Variants in DYNC2H1 observed in about 807,000 individuals in gnomAD.
The protein encoded by DYNC2H1 is cytoplasmic dynein 2 heavy chain 1.
A neutral mutation model predicts 570.0 loss-of-function variants in DYNC2H1; 410 were observed. The observed-to-expected ratio is 0.72, with a 90% CI of 0.66 to 0.78. The LOEUF is 0.78. Among genes scored for constraint, DYNC2H1 ranks in the 30% least tolerant of loss-of-function variants. The pLI is 0.00. For missense variants in DYNC2H1, 4,865 were observed against 5,046.4 expected, an observed-to-expected ratio of 0.96 and a Z score of 1.09; for synonymous variants, 1,688 against 1,677.6, an observed-to-expected ratio of 1.01 and a Z score of -0.15.
chr11:103,469,651 A>G (rs1053691910), intron 88 of DYNC2H1, among the ~76,000 whole-genome samples: 1 of 152,194 alleles, frequency 6.6e-6, no homozygotes, highest in African/African-American at 2.4e-5. Context: ...CTAAAAGAGC[A>G]TATGTTTCTG....
intron 45 of DYNC2H1, among the ~76,000 whole-genome samples, chr11:103,190,216 T>C (rs897295865): frequency 2.0e-5 from 3 of 152,224 alleles, no homozygotes; most frequent in African/African-American, 7.2e-5. Context: ...AGGAAATGTC[T>C]AAAGTATTCT....
Position 103,239,914 on chromosome 11 carries a change from A to C in DYNC2H1, c.9819+3375A>C, listed in dbSNP as rs1864363391. Among the ~76,000 whole-genome samples, 1 of 152,050 alleles carries C rather than the reference A, an allele frequency of 6.6e-6. No homozygotes were observed. Among genetic ancestry groups the C allele is most frequent in the African/African-American group, 2.4e-5 (1 of 41,398 alleles). On this transcript the variant is annotated intron_variant, in intron 63 of 88. Transcript: ENST00000375735. This position sits in a 1 kb window ranked among gnomAD's most constrained non-coding sequence, Gnocchi z 4.3. ...ATTTAAATAGAGATTATGTATCTTT[A>C]GTTTTTAACCTGTTTTTTGAACTCT...
intron 84 of DYNC2H1, among the ~76,000 whole-genome samples, chr11:103,430,908 C>T (rs1198597856): frequency 6.6e-6 from 1 of 152,112 alleles, no homozygotes; most frequent in African/African-American, 2.4e-5. Context: ...TATTAGGGAG[C>T]TCAATTTATT....
intron 84 of DYNC2H1, among the ~76,000 whole-genome samples, chr11:103,416,137 C>A (rs1304991959): frequency 6.6e-6 from 1 of 152,080 alleles, no homozygotes; most frequent in Non-Finnish European, 1.5e-5. Flanking sequence ...CCATCACACA[C>A]CAGGGCCTGT....
At position 103,452,126 on chromosome 11, in the gene DYNC2H1, T is replaced by C. The variant is rs1944629421; in HGVS notation, c.12457-3060T>C. On this transcript the variant is annotated intron_variant, in intron 85 of 88. Transcript: ENST00000375735. ...GAATGTGAACTGAAGATTGAATTTT[T>C]TTCCAAAACAATAGTTTTTCCCCAG... Among the ~76,000 whole-genome samples the C allele has an allele frequency of 2.0e-5, 3 of 152,250 alleles. No individual in the cohort carries two copies. In the South Asian group the frequency reaches 6.2e-4, roughly 32 times the overall value.
At chr11:103,230,070 T>C (rs1863947152) in intron 59 of DYNC2H1, among the ~76,000 whole-genome samples, 1 of 152,122 alleles carries the variant, frequency 6.6e-6, no homozygotes, top group Admixed American at 6.6e-5. Flanking sequence ...GCCCTCGCAA[T>C]CTCTGTTTTG....
intron 63 of DYNC2H1, among the ~76,000 whole-genome samples, chr11:103,237,766 T>C (rs1018290834): frequency 6.6e-6 from 1 of 152,086 alleles, no homozygotes; most frequent in Non-Finnish European, 1.5e-5. Context: ...GAATTCTTTT[T>C]TATTCCATAA....
At chr11:103,118,815 T>C (rs1858551035) in intron 6 of DYNC2H1, among the ~76,000 whole-genome samples, 1 of 152,214 alleles carries the variant, frequency 6.6e-6, no homozygotes, top group South Asian at 2.1e-4. Flanking sequence ...CCTTGCTATA[T>C]CAGGACGTAT....
At chr11:103,453,637 TATATAC>T (rs56672426) in intron 85 of DYNC2H1, among the ~76,000 whole-genome samples, 1,502 of 105,544 alleles carry the variant, frequency 0.014, 41 homozygotes, top group African/African-American at 0.047. Flanking sequence ...TATATATATA[TATATAC>T]ACACATTCAT....
intron 72 of DYNC2H1, 63 bp downstream of exon 72, chr11:103,282,292 G>T: frequency 2.0e-6 from 3 of 1,501,518 alleles, no homozygotes; most frequent in Non-Finnish European, 1.8e-6. Context: ...TTTTGTTCAT[G>T]AGGTATAATT....
intron 87 of DYNC2H1, among the ~76,000 whole-genome samples, chr11:103,460,933 TG>T (rs1373157034): frequency 2.0e-5 from 3 of 152,160 alleles, no homozygotes; most frequent in African/African-American, 7.2e-5. Flanking sequence ...TAAATAAGCA[TG>T]GTATAATGAC....
rs549177489 is a variant in DYNC2H1 at position 103,113,656 on chromosome 11, T to A, written c.315T>A (p.Ile105=). 2 of 1,573,050 alleles carry A rather than the reference T, an allele frequency of 1.3e-6. No individual in the cohort carries two copies. Among genetic ancestry groups the A allele is most frequent in the African/African-American group, 2.8e-5 (2 of 72,468 alleles). Residue 105 remains isoleucine, a synonymous_variant, in exon 2 of 89, where the codon ATT becomes ATA. Coordinates refer to ENST00000375735, the MANE Select transcript of DYNC2H1 (RefSeq NM_001377.3). ...ILVSSMLESP[I]SSLYQAVRQV... ...TTTCATCTATGTTAGAGTCACCTAT[T>A]AGTTCTCTTTACCAAGCAGTACGGC...
Position 103,305,743 on chromosome 11 carries a change from G to C in DYNC2H1, c.11382+1023G>C, listed in dbSNP as rs1867255231. On this transcript the variant is annotated intron_variant, in intron 77 of 88. Transcript: ENST00000375735. The surrounding 1 kb of genome is among the most constrained non-coding windows in gnomAD (Gnocchi z 4.3). Reference sequence around the variant, plus strand: ...GTAAATTTTTGATGAGTAAGTTAATGAGTGAGTGAATGAGTTGATGGACCA... The same window carrying C: ...GTAAATTTTTGATGAGTAAGTTAATCAGTGAGTGAATGAGTTGATGGACCA... Among the ~76,000 whole-genome samples the C allele has an allele frequency of 6.6e-6, 1 of 152,122 alleles. No individual in the cohort carries two copies. The highest frequency in any genetic ancestry group is 1.5e-5 in the Non-Finnish European group (1 of 68,022).
At chr11:103,173,541 T>A (rs1263280771) in intron 35 of DYNC2H1, among the ~76,000 whole-genome samples, 1 of 152,250 alleles carries the variant, frequency 6.6e-6, no homozygotes, top group Non-Finnish European at 1.5e-5. Flanking sequence ...TTCTTCAAAA[T>A]GTTTATATTA....
intron 73 of DYNC2H1, 72 bp downstream of exon 73, chr11:103,283,157 C>T: frequency 1.6e-6 from 2 of 1,248,124 alleles, no homozygotes; most frequent in East Asian, 4.9e-5. Context: ...ATACTTTGTG[C>T]TCCTTATTCG....
chr11:103,147,676 T>C (rs1329900621), intron 18 of DYNC2H1, 96 bp from the exon 19 acceptor site: 1 of 722,614 alleles, frequency 1.4e-6, no homozygotes, highest in African/African-American at 1.8e-5. Flanking sequence ...CATACATTTT[T>C]AAGTGTATTA....
chr11:103,281,513 G>A (rs954973441), intron 71 of DYNC2H1, among the ~76,000 whole-genome samples: 4 of 151,746 alleles, frequency 2.6e-5, no homozygotes, highest in African/African-American at 9.7e-5. Context: ...TGGCCAGGGT[G>A]AGTGAAGCCA....
chr11:103,198,072 T>G lies in DYNC2H1; in HGVS notation c.7839+9T>G. On this transcript the variant is annotated intron_variant, in intron 48 of 88. Transcript: ENST00000375735. ...AGGATGTTATTAAAAAGGTATAATA[T>G]GAATCATTAATTGGAACTGGGATTT... The G allele has an allele frequency of 6.5e-7, 1 of 1,550,104 alleles. No homozygotes were observed. Among genetic ancestry groups the G allele is most frequent in the Non-Finnish European group, 8.7e-7 (1 of 1,146,034 alleles).
At position 103,446,037 on chromosome 11, in the gene DYNC2H1, TTTGTTGTTGTTGTTGTTG is replaced by T. The variant is rs61565760; in HGVS notation, c.12457-9134_12457-9117del. Among the ~76,000 whole-genome samples, 2 of 150,478 alleles carry T rather than the reference TTTGTTGTTGTTGTTGTTG, an allele frequency of 1.3e-5. No homozygotes were observed. Among genetic ancestry groups the T allele is most frequent in the African/African-American group, 2.5e-5 (1 of 40,812 alleles). On this transcript the variant is annotated intron_variant, in intron 85 of 88. Transcript: ENST00000375735. This position sits in a 1 kb window ranked among gnomAD's most constrained non-coding sequence, Gnocchi z 4.5. ...TGACAATATGGTAATAGAGCAGAGT[TTTGTTGTTGTTGTTGTTG>T]TTGTTGTTGTTGTTTAGGGAGGAGG... is the stretch of plus-strand genomic sequence containing the variant.
Sources: allele counts gnomAD v4.1 joint callset (sites outside exome capture counted in the v4.1 genomes callset), GRCh38; gene constraint gnomAD v4.1.1; non-coding constraint Gnocchi (gnomAD v3.1); transcripts MANE v1.5; gene names NCBI Gene and HGNC (gene_info 2026-07-23, HGNC 2026-07-21).